Variants in CSTPP1 observed in about 807,000 individuals in gnomAD.
CSTPP1 encodes the protein UPF0705 protein C11orf49.
the CSTPP1 span, among the ~76,000 whole-genome samples, chr11:47,046,012 C>T: frequency 6.6e-6 from 1 of 152,062 alleles, no homozygotes; most frequent in African/African-American, 2.4e-5. Flanking sequence ...GTCTTGTACT[C>T]CTGACTTCAT....
chr11:47,121,930 G>A, the CSTPP1 span, among the ~76,000 whole-genome samples: 1 of 151,074 alleles, frequency 6.6e-6, no homozygotes, highest in Non-Finnish European at 1.5e-5. Context: ...AAATTGCTGA[G>A]CATAGTGATA....
the CSTPP1 span, among the ~76,000 whole-genome samples, chr11:46,973,284 G>A: frequency 6.6e-6 from 1 of 152,128 alleles, no homozygotes; most frequent in Non-Finnish European, 1.5e-5. Flanking sequence ...CCTCTCCTTG[G>A]TTGATTGGTT....
chr11:46,976,684 T>C, the CSTPP1 span, among the ~76,000 whole-genome samples: 1 of 152,170 alleles, frequency 6.6e-6, no homozygotes. Context: ...CATGAGTTTT[T>C]TAAGTTTCTG....
the CSTPP1 span, among the ~76,000 whole-genome samples, chr11:47,147,348 T>A: frequency 2.0e-5 from 3 of 152,152 alleles, no homozygotes; most frequent in Non-Finnish European, 4.4e-5. Flanking sequence ...AATGATGGCC[T>A]GGAGGAACCA....
At chr11:46,943,994 C>T in the CSTPP1 span, among the ~76,000 whole-genome samples, 1 of 152,108 alleles carries the variant, frequency 6.6e-6, no homozygotes, top group Non-Finnish European at 1.5e-5. Context: ...GCACTCCAGC[C>T]TGGGTGACAA....
At chr11:46,988,105 T>C in the CSTPP1 span, among the ~76,000 whole-genome samples, 4 of 152,206 alleles carry the variant, frequency 2.6e-5, no homozygotes, top group Non-Finnish European at 5.9e-5. Flanking sequence ...CCTTCTACAC[T>C]GTTGATGGGG....
At chr11:46,951,735 G>A in the CSTPP1 span, among the ~76,000 whole-genome samples, 1 of 152,010 alleles carries the variant, frequency 6.6e-6, no homozygotes, top group African/African-American at 2.4e-5. Flanking sequence ...GAGAAGAAAT[G>A]GTGGCTCAAA....
chr11:47,129,137 TGGA>T, the CSTPP1 span, among the ~76,000 whole-genome samples: 1 of 152,194 alleles, frequency 6.6e-6, no homozygotes, highest in Non-Finnish European at 1.5e-5. Context: ...ACCTGCTTCT[TGGA>T]GGAGAATTAT....
At chr11:47,027,927 CTTT>C in the CSTPP1 span, among the ~76,000 whole-genome samples, 1 of 134,078 alleles carries the variant, frequency 7.5e-6, no homozygotes, top group Non-Finnish European at 1.6e-5. Context: ...TTTTTTTTTT[CTTT>C]TTTTTTTTTT....
At chr11:47,127,876 A>AT in the CSTPP1 span, among the ~76,000 whole-genome samples, 331 of 147,546 alleles carry the variant, frequency 2.2e-3, 3 homozygotes, top group South Asian at 0.03. Flanking sequence ...GATTATTATT[A>AT]TTATTTTTTT....
chr11:47,105,422 G>C, the CSTPP1 span, among the ~76,000 whole-genome samples: 1 of 152,138 alleles, frequency 6.6e-6, no homozygotes, highest in Non-Finnish European at 1.5e-5. Context: ...GATCACGTGA[G>C]CCTAGGAGTT....
the CSTPP1 span, among the ~76,000 whole-genome samples, chr11:47,156,188 G>A: frequency 3.9e-4 from 60 of 152,304 alleles, no homozygotes; most frequent in Admixed American, 1.0e-3. Context: ...CTGGGGTCTC[G>A]CCACCTGCTC....
the CSTPP1 span, among the ~76,000 whole-genome samples, chr11:47,125,098 T>C: frequency 6.6e-6 from 1 of 152,224 alleles, no homozygotes; most frequent in African/African-American, 2.4e-5. Context: ...CCTCATTCTC[T>C]TCCCGATACA....
chr11:47,149,827 GACA>G, the CSTPP1 span, among the ~76,000 whole-genome samples: 24 of 152,110 alleles, frequency 1.6e-4, no homozygotes, highest in African/African-American at 5.8e-4. Flanking sequence ...CCACCCTTGG[GACA>G]ACACTGTCAG....
the CSTPP1 span, among the ~76,000 whole-genome samples, chr11:47,126,016 CAA>C: frequency 1.0e-4 from 11 of 108,794 alleles, no homozygotes; most frequent in Admixed American, 9.6e-5. Flanking sequence ...GACTCTGTCT[CAA>C]AAAAAAAAAA....
the CSTPP1 span, among the ~76,000 whole-genome samples, chr11:47,038,616 T>TGGCC: frequency 9.1e-6 from 1 of 110,056 alleles, no homozygotes; most frequent in African/African-American, 2.8e-5. Flanking sequence ...ACTGGGAGGC[T>TGGCC]GGCCGGGCGG....
the CSTPP1 span, among the ~76,000 whole-genome samples, chr11:47,057,378 A>G: frequency 2.0e-5 from 3 of 152,176 alleles, no homozygotes; most frequent in Non-Finnish European, 4.4e-5. Flanking sequence ...TTAATTTTCA[A>G]TATATACATA....
chr11:47,102,214 T>C, the CSTPP1 span, among the ~76,000 whole-genome samples: 1 of 152,008 alleles, frequency 6.6e-6, no homozygotes, highest in East Asian at 1.9e-4. Flanking sequence ...ATAGATCAGG[T>C]CCAGTGTGAA....
At chr11:47,082,932 A>T in the CSTPP1 span, among the ~76,000 whole-genome samples, 28 of 152,166 alleles carry the variant, frequency 1.8e-4, no homozygotes, top group Admixed American at 7.2e-4. Context: ...GGTTTGTTAC[A>T]TAGGTAAATG....
Sources: gnomAD v4.1 joint callset for allele counts (sites outside exome capture counted in the v4.1 genomes callset) on GRCh38, gnomAD v4.1.1 for gene constraint, MANE v1.5 for transcripts, NCBI Gene and HGNC (gene_info 2026-07-23, HGNC 2026-07-21) for gene names.